Variants in ANK3 observed in about 807,000 individuals in gnomAD.
ANK3 encodes ankyrin 3, also known as ankyrin-3.
Under a neutral mutation model 370.9 loss-of-function variants are expected in ANK3, and 57 were observed. That is an observed-to-expected ratio of 0.15 (90% CI 0.12 to 0.19). The LOEUF is 0.19. Among genes scored for constraint, ANK3 ranks in the 10% least tolerant of loss-of-function variants. The probability of loss-of-function intolerance (pLI) is 1.00; values close to 1 mark genes in which losing one functional copy is unlikely to be tolerated. For missense variants in ANK3, 4,439 were observed against 5,302.1 expected, an observed-to-expected ratio of 0.84 and a Z score of 5.06; for synonymous variants, 1,929 against 1,946.3, an observed-to-expected ratio of 0.99 and a Z score of 0.23.
intron 8 of ANK3, among the ~76,000 whole-genome samples, chr10:60,233,772 C>T (rs1438957908): frequency 6.6e-6 from 1 of 152,166 alleles, no homozygotes; most frequent in East Asian, 1.9e-4. Context: ...ATACATACAA[C>T]ATAAAATTTA....
rs539667944 is a variant in ANK3 at position 60,232,996 on chromosome 10, C to T, written c.897+1692G>A. ...CACAGGATTGCAGGAGTTGCAGTTA[C>T]AAGAAAACTACTTAAAACCCTTCGA... On this transcript the variant is annotated intron_variant, in intron 8 of 43. Coordinates refer to ENST00000280772, the MANE Select transcript of ANK3 (RefSeq NM_020987.5). Among the ~76,000 whole-genome samples, 42 of 152,304 alleles carry T rather than the reference C, an allele frequency of 2.8e-4. No individual in the cohort carries two copies. The South Asian group carries it at 8.7e-3, about 32-fold the overall frequency.
chr10:60,612,740 C>T (rs536717765), intron 2 of ANK3, among the ~76,000 whole-genome samples: 106 of 152,270 alleles, frequency 7.0e-4, no homozygotes, highest in African/African-American at 2.5e-3. Flanking sequence ...ATCCACCCGC[C>T]TTGGCTCACT....
chr10:60,695,564 G>C (rs2079434584), intron 1 of ANK3, among the ~76,000 whole-genome samples: 1 of 152,182 alleles, frequency 6.6e-6, no homozygotes, highest in Non-Finnish European at 1.5e-5. Context: ...TCAGACCACA[G>C]TGCAATCAAA....
intron 38 of ANK3, among the ~76,000 whole-genome samples, chr10:60,066,267 C>T (rs757006074): frequency 1.3e-5 from 2 of 152,068 alleles, no homozygotes; most frequent in African/African-American, 4.8e-5. Context: ...TATGGCTTTT[C>T]GTCTGGCTAT....
intron 8 of ANK3, among the ~76,000 whole-genome samples, chr10:60,233,634 G>C (rs2097283670): frequency 6.6e-6 from 1 of 152,034 alleles, no homozygotes; most frequent in Non-Finnish European, 1.5e-5. Context: ...TGGAGGTTTT[G>C]CTGTGCTGCC....
chr10:60,572,727 T>A, intron 2 of ANK3: 1 of 1,371,678 alleles, frequency 7.3e-7, no homozygotes, highest in East Asian at 2.7e-5. Context: ...TCAGCTTTCC[T>A]CAGGAAGAAA....
chr10:60,470,895 C>T (rs1288542970), intron 2 of ANK3, among the ~76,000 whole-genome samples: 2 of 152,078 alleles, frequency 1.3e-5, no homozygotes, highest in Non-Finnish European at 2.9e-5. Flanking sequence ...AGCAGTCATC[C>T]TTTCCCACAT....
intron 25 of ANK3, among the ~76,000 whole-genome samples, chr10:60,129,734 T>C (rs549059684): frequency 1.3e-3 from 172 of 134,798 alleles, no homozygotes; most frequent in South Asian, 9.4e-3. Context: ...GCCTGAGTGA[T>C]AGAGTGAGAC....
At chr10:60,209,457 T>A (rs2096817627) in intron 9 of ANK3, among the ~76,000 whole-genome samples, 2 of 152,184 alleles carry the variant, frequency 1.3e-5, no homozygotes, top group Non-Finnish European at 2.9e-5. Flanking sequence ...GACATATATT[T>A]CAACTATTTG....
chr10:60,279,179 A>G (rs780698254), intron 2 of ANK3, 31 bp from the exon 3 acceptor site: 9 of 1,597,438 alleles, frequency 5.6e-6, no homozygotes, highest in Admixed American at 3.3e-5. Flanking sequence ...AGCTCTACTC[A>G]GCAGGTTGAA....
chr10:60,226,323 G>A (rs2097141264), intron 8 of ANK3, among the ~76,000 whole-genome samples: 4 of 96,276 alleles, frequency 4.2e-5, no homozygotes, highest in East Asian at 7.3e-4. Flanking sequence ...TATATACTAT[G>A]TATATATACT....
chr10:60,402,204 T>G (rs890704437), intron 2 of ANK3, among the ~76,000 whole-genome samples: 22 of 152,298 alleles, frequency 1.4e-4, no homozygotes, highest in African/African-American at 5.1e-4. Flanking sequence ...CATAGAGCAG[T>G]AATATTGATC....
chr10:60,703,204 C>T (rs781643693), intron 1 of ANK3, among the ~76,000 whole-genome samples: 14 of 151,918 alleles, frequency 9.2e-5, no homozygotes, highest in Non-Finnish European at 1.6e-4. Context: ...TGATAATTTC[C>T]AAATGGATTG....
chr10:60,694,938 A>G (rs2133408493), intron 1 of ANK3, among the ~76,000 whole-genome samples: 1 of 149,364 alleles, frequency 6.7e-6, no homozygotes, highest in Non-Finnish European at 1.5e-5. Context: ...CTCCAATTAA[A>G]AGACACAGAC....
At chr10:60,297,819 C>T (rs910666173) in intron 1 of ANK3, among the ~76,000 whole-genome samples, 1 of 152,000 alleles carries the variant, frequency 6.6e-6, no homozygotes, top group Non-Finnish European at 1.5e-5. Context: ...CTAAAAGTTT[C>T]CATTTCAAAA....
intron 2 of ANK3, among the ~76,000 whole-genome samples, chr10:60,464,072 A>G (rs1027715171): frequency 1.3e-5 from 2 of 152,192 alleles, no homozygotes; most frequent in Admixed American, 6.5e-5. Context: ...TGTGCCTTCT[A>G]TGTGGGTACT....
At chr10:60,034,845 C>CT (rs35598912) in intron 43 of ANK3, among the ~76,000 whole-genome samples, 9 of 152,154 alleles carry the variant, frequency 5.9e-5, no homozygotes, top group Non-Finnish European at 1.3e-4. Context: ...TGGACTAAGA[C>CT]TTTTTTCTAA....
At chr10:60,663,537 A>C (rs2078961406) in intron 1 of ANK3, among the ~76,000 whole-genome samples, 1 of 152,196 alleles carries the variant, frequency 6.6e-6, no homozygotes, top group Non-Finnish European at 1.5e-5. Flanking sequence ...CTTGGAGGGA[A>C]GCCCCAGGGT....
At chr10:60,085,807 G>C (rs1299340575) in intron 30 of ANK3, among the ~76,000 whole-genome samples, 1 of 152,014 alleles carries the variant, frequency 6.6e-6, no homozygotes, top group Admixed American at 6.5e-5. Context: ...GTAGAGACGG[G>C]GTTTCATCAT....
Sources: gnomAD v4.1 joint callset for allele counts (sites outside exome capture counted in the v4.1 genomes callset) on GRCh38, gnomAD v4.1.1 for gene constraint, MANE v1.5 for transcripts, NCBI Gene and HGNC (gene_info 2026-07-23, HGNC 2026-07-21) for gene names.